CTNS: variants seen among roughly 807,000 people sequenced by gnomAD.
The protein encoded by CTNS is cystinosin.
A neutral mutation model predicts 43.7 loss-of-function variants in CTNS; 27 were observed. That is an observed-to-expected ratio of 0.62 (90% CI 0.46 to 0.85). The LOEUF is 0.85. Ranked by LOEUF, CTNS falls within the 40% of genes least tolerant of loss-of-function variation. The pLI is 0.00. For missense variants in CTNS, 457 were observed against 475.4 expected (o/e 0.96, Z 0.36); for synonymous variants, 187 against 190.6 (o/e 0.98, Z 0.16).
Position 3,641,391 on chromosome 17 carries a change from T to A in CTNS, c.61+1124T>A, listed in dbSNP as rs1287779732. On this transcript the variant is annotated intron_variant, in intron 3 of 11. Coordinates refer to ENST00000046640, the MANE Select transcript of CTNS (RefSeq NM_004937.3). ...ATATATATATATATATATATTTTTT[T>A]TTTTTTTTTTTTTTTTTTGAGACAG... Among the ~76,000 whole-genome samples the A allele has an allele frequency of 2.8e-3, 252 of 91,334 alleles. 1 individual carries two copies. Among genetic ancestry groups the A allele is most frequent in the South Asian group, 0.026 (62 of 2,358 alleles). 59.9% of individuals were successfully genotyped at this position (91,334 alleles called of 152,430 possible).
intron 7 of CTNS, 167 bp downstream of exon 7, chr17:3,655,519 T>C (rs564878183): frequency 1.0e-6 from 1 of 993,978 alleles, no homozygotes; most frequent in East Asian, 2.6e-5. Context: ...TGGGTCGGAT[T>C]CCCGTGCTGG....
At chr17:3,648,237 G>T (rs908985685) in intron 4 of CTNS, among the ~76,000 whole-genome samples, 1 of 152,054 alleles carries the variant, frequency 6.6e-6, no homozygotes, top group African/African-American at 2.4e-5. Context: ...CTGCCATTCC[G>T]CTCCCAGCTC....
chr17:3,656,692 A>G lies in CTNS; in HGVS notation c.578A>G (p.Lys193Arg), dbSNP rs1396164604. Residue 193 changes from lysine (K) to arginine (R), a missense_variant, in exon 9 of 12, where the codon AAA (lysine) becomes AGA (arginine). Physicochemically the swap from Lys to Arg is conservative, Grantham distance 26. Transcript: ENST00000046640. ...VPYIKEQFLL[K>R]YPNGVNPVNS... ...ACCAAACAGGAGCAGTTTCTCCTCA[A>G]ATACCCCAACGGAGTGAACCCCGTG... The G allele has an allele frequency of 1.2e-6, 2 of 1,612,774 alleles. No individual in the cohort carries two copies. The highest frequency in any genetic ancestry group is 1.7e-5 in the Admixed American group (1 of 59,890).
Position 3,662,838 on chromosome 17 carries a change from T to C in CTNS, c.*2469T>C, listed in dbSNP as rs1188430460. The C allele has an allele frequency of 3.3e-5, 5 of 152,032 alleles. No individual in the cohort carries two copies. The highest frequency in any genetic ancestry group is 1.3e-4 in the Admixed American group (2 of 15,260). 9.4% of individuals were successfully genotyped at this position (152,032 alleles called of 1,614,324 possible). On this transcript the variant is annotated 3_prime_UTR_variant, in exon 12 of 12. Transcript: ENST00000046640. ...ATTAAAACCACAGCTCTGGCCCCAA[T>C]ATCCCACCGCCACCCCCACCCCGAT... is the stretch of plus-strand genomic sequence containing the variant.
intron 3 of CTNS, among the ~76,000 whole-genome samples, chr17:3,641,376 ATATATATATT>A (rs2075694609): frequency 5.2e-5 from 2 of 38,498 alleles, no homozygotes; most frequent in Non-Finnish European, 8.5e-5. Flanking sequence ...ATATATATAT[ATATATATATT>A]TTTTTTTTTT....
intron 3 of CTNS, 142 bp downstream of exon 3, chr17:3,640,409 G>T: frequency 2.1e-6 from 2 of 950,880 alleles, no homozygotes; most frequent in South Asian, 1.3e-5. Context: ...GTGGCCACTG[G>T]GGTGGTGGAG....
chr17:3,656,844 A>G (rs1236191738), intron 9 of CTNS, 49 bp downstream of exon 9: 2 of 1,609,688 alleles, frequency 1.2e-6, no homozygotes, highest in Non-Finnish European at 8.5e-7. Flanking sequence ...AACACCCGCC[A>G]CCCCACCTCA....
chr17:3,641,380 A>C (rs1470590437), intron 3 of CTNS, among the ~76,000 whole-genome samples: 1 of 38,200 alleles, frequency 2.6e-5, no homozygotes, highest in African/African-American at 1.8e-4. Flanking sequence ...ATATATATAT[A>C]TATATTTTTT....
intron 5 of CTNS, among the ~76,000 whole-genome samples, chr17:3,649,346 G>A (rs2075919487): frequency 6.6e-6 from 1 of 152,006 alleles, no homozygotes; most frequent in Admixed American, 6.6e-5. Context: ...AAGCCACTTG[G>A]GAGGCTGAGG....
chr17:3,655,189 C>T, intron 6 of CTNS, 32 bp from the exon 7 acceptor site: 2 of 1,614,194 alleles, frequency 1.2e-6, no homozygotes, highest in Non-Finnish European at 1.7e-6. Context: ...AGCCCAGCCT[C>T]AGCTCATCCC....
chr17:3,656,870 A>G, intron 9 of CTNS, 75 bp downstream of exon 9: 1 of 1,603,396 alleles, frequency 6.2e-7, no homozygotes, highest in Non-Finnish European at 8.5e-7. Context: ...GACAGAAGAC[A>G]CGGCAGAGCC....
At position 3,648,908 on chromosome 17, in the gene CTNS, A is replaced by G. The variant is rs2075908676; in HGVS notation, c.202A>G (p.Thr68Ala). 6.2e-7 allele frequency: 1 copy of G among 1,613,510 alleles called. No homozygotes were observed. Among genetic ancestry groups the G allele is most frequent in the Non-Finnish European group, 8.5e-7 (1 of 1,179,414 alleles). The change falls in exon 5 of 12, where the codon ACT (threonine) becomes GCT (alanine). Residue 68 changes from threonine (T) to alanine (A), a missense_variant. Thr to Ala is a moderately conservative substitution (Grantham distance 58). Coordinates refer to ENST00000046640, the MANE Select transcript of CTNS (RefSeq NM_004937.3). Reference sequence around the variant, plus strand: ...AATCACATTTCGTTCCAAAAATATTACTATCCTTGAGCTCCCCGATGAAGT... The same window carrying G: ...AATCACATTTCGTTCCAAAAATATTGCTATCCTTGAGCTCCCCGATGAAGT... The part of the protein sequence containing the change: ...FEITFRSKNI[T>A]ILELPDEVVV...
intron 10 of CTNS, 31 bp downstream of exon 10, chr17:3,658,206 T>C (rs759596120): frequency 6.2e-7 from 1 of 1,610,972 alleles, no homozygotes; most frequent in South Asian, 1.1e-5. Context: ...ACATGGCCGG[T>C]GGCAGGAGAG....
In CTNS at chr17:3,661,646, G is replaced by C. The variant is rs952957213; in HGVS notation, c.*1277G>C. The C allele has an allele frequency of 6.6e-6, 1 of 152,278 alleles. No individual in the cohort carries two copies. Among genetic ancestry groups the C allele is most frequent in the Non-Finnish European group, 1.5e-5 (1 of 68,068 alleles). 9.4% of individuals were successfully genotyped at this position (152,278 alleles called of 1,614,324 possible). A position where few individuals can be genotyped will look rare whatever the true frequency, so the allele number is the denominator to read the frequency against. On this transcript the variant is annotated 3_prime_UTR_variant, in exon 12 of 12. Transcript: ENST00000046640. Reference sequence around the variant, plus strand: ...ATAAGGTTGTGAAGGTCACTGACCCGAGAGCGCTGCGTGCTGACCCCACAC... The same window carrying C: ...ATAAGGTTGTGAAGGTCACTGACCCCAGAGCGCTGCGTGCTGACCCCACAC...
intron 10 of CTNS, 35 bp from the exon 11 acceptor site, chr17:3,659,823 C>T (rs752296930): frequency 4.7e-5 from 72 of 1,540,416 alleles, no homozygotes; most frequent in South Asian, 2.0e-4. Context: ...CAGCCCTCAC[C>T]GCCCTCCGTC....
Position 3,648,919 on chromosome 17 carries a change from G to A in CTNS, c.213G>A (p.Glu71=). 1 of 1,611,906 alleles carries A rather than the reference G, an allele frequency of 6.2e-7. No homozygotes were observed. The highest frequency in any genetic ancestry group is 8.5e-7 in the Non-Finnish European group (1 of 1,177,982). The change falls in exon 5 of 12, where the codon GAG becomes GAA. Residue 71 remains glutamate, a synonymous_variant. Transcript: ENST00000046640. ...GTTCCAAAAATATTACTATCCTTGA[G>A]CTCCCCGATGAAGTAAGTAACCAAT... ...TFRSKNITIL[E]LPDEVVVPPG... is the part of the protein sequence containing the mutation.
At chr17:3,650,506 A>C in intron 5 of CTNS, 10 of 720,408 alleles carry the variant, frequency 1.4e-5, no homozygotes, top group Admixed American at 3.2e-5. Flanking sequence ...TAAAAATAAA[A>C]TGTTTAAAAA....
chr17:3,640,148 A>C, intron 2 of CTNS, 40 bp from the exon 3 acceptor site: 1 of 1,534,768 alleles, frequency 6.5e-7, no homozygotes, highest in South Asian at 1.1e-5. Context: ...AGCTGATTCA[A>C]CATTCCCCTG....
intron 2 of CTNS, among the ~76,000 whole-genome samples, chr17:3,638,712 C>A (rs2075602109): frequency 6.6e-6 from 1 of 152,132 alleles, no homozygotes; most frequent in Non-Finnish European, 1.5e-5. Flanking sequence ...TGGAGAAAAA[C>A]CAGACTCTGT....
Sources: gnomAD v4.1 joint callset for allele counts (sites outside exome capture counted in the v4.1 genomes callset) on GRCh38, gnomAD v4.1.1 for gene constraint, MANE v1.5 for transcripts, NCBI Gene and HGNC (gene_info 2026-07-23, HGNC 2026-07-21) for gene names.